Variants in AHCYL2 observed in about 807,000 individuals in gnomAD.
AHCYL2 encodes adenosylhomocysteinase like 2, also known as S-adenosylhomocysteine hydrolase-like protein 2.
AHCYL2 carries 28 observed loss-of-function variants against 81.4 expected under a neutral mutation model. That is an observed-to-expected ratio of 0.34 (90% confidence interval 0.25 to 0.47). The LOEUF is 0.47. Ranked by LOEUF, AHCYL2 falls within the 20% of genes least tolerant of loss-of-function variation. The pLI is 1.00. For synonymous variants in AHCYL2, 272 were observed against 290.2 expected, an observed-to-expected ratio of 0.94 and a Z score of 0.64; for missense variants, 551 against 785.1, an observed-to-expected ratio of 0.70 and a Z score of 3.56.
At chr7:129,378,010 A>T (rs1298985576) in intron 1 of AHCYL2, among the ~76,000 whole-genome samples, 1 of 152,166 alleles carries the variant, frequency 6.6e-6, no homozygotes, top group Non-Finnish European at 1.5e-5. Context: ...AATATTTAAA[A>T]ATAAATTAAT....
intron 1 of AHCYL2, among the ~76,000 whole-genome samples, chr7:129,263,197 C>T (rs1182957861): frequency 6.6e-6 from 1 of 152,178 alleles, no homozygotes; most frequent in East Asian, 1.9e-4. Flanking sequence ...ATTTTTTGCT[C>T]ATACTGCATG....
chr7:129,351,075 T>C (rs970488105), intron 1 of AHCYL2, among the ~76,000 whole-genome samples: 1 of 152,176 alleles, frequency 6.6e-6, no homozygotes, highest in Non-Finnish European at 1.5e-5. Context: ...TTTTATTTTA[T>C]TCTAGAATAT....
intron 1 of AHCYL2, among the ~76,000 whole-genome samples, chr7:129,298,114 G>A (rs1797116690): frequency 6.6e-6 from 1 of 152,214 alleles, no homozygotes; most frequent in South Asian, 2.1e-4. Context: ...AAGAAAGCCT[G>A]TGGTTTAATT....
intron 1 of AHCYL2, among the ~76,000 whole-genome samples, chr7:129,264,557 A>G (rs1055369577): frequency 6.6e-6 from 1 of 152,236 alleles, no homozygotes; most frequent in Non-Finnish European, 1.5e-5. Context: ...AAATTATAGT[A>G]GAGAAAATTA....
At chr7:129,272,563 AAC>A (rs1796057489) in intron 1 of AHCYL2, among the ~76,000 whole-genome samples, 1 of 152,176 alleles carries the variant, frequency 6.6e-6, no homozygotes, top group Non-Finnish European at 1.5e-5. Context: ...GAAGGCTTGA[AAC>A]ACAGAGAGAA....
At chr7:129,359,410 T>C (rs986812978) in intron 1 of AHCYL2, among the ~76,000 whole-genome samples, 45 of 152,342 alleles carry the variant, frequency 3.0e-4, no homozygotes, top group African/African-American at 1.1e-3. Context: ...TAGTTTCTTA[T>C]CTGTGTAGTG....
rs780894988 is a variant in AHCYL2 at position 129,368,485 on chromosome 7, A to C, written c.364-11153A>C. 6.2e-7 allele frequency: 1 copy of C among 1,614,002 alleles called. No individual in the cohort carries two copies. The highest frequency in any genetic ancestry group is 2.2e-5 in the East Asian group (1 of 44,880). Reference sequence around the variant, plus strand: ...TTTGCTTCAGGACATATCTTACCCAAGCCTGCACTATGGAGAAGTGGGACG... The same window carrying C: ...TTTGCTTCAGGACATATCTTACCCACGCCTGCACTATGGAGAAGTGGGACG... On this transcript the variant is annotated intron_variant, in intron 1 of 16. Transcript: ENST00000325006. This position sits in a 1 kb window ranked among gnomAD's most constrained non-coding sequence, Gnocchi z 4.4.
intron 1 of AHCYL2, among the ~76,000 whole-genome samples, chr7:129,359,774 T>G (rs550002239): frequency 6.6e-6 from 1 of 152,308 alleles, no homozygotes; most frequent in South Asian, 2.1e-4. Context: ...GAGCTCTAAT[T>G]AGCCGGGTCA....
chr7:129,313,774 A>T (rs535433656), intron 1 of AHCYL2, among the ~76,000 whole-genome samples: 5 of 152,368 alleles, frequency 3.3e-5, no homozygotes, highest in East Asian at 3.9e-4. Context: ...AAGATACCAT[A>T]GTTGATTGGT....
chr7:129,336,919 A>G (rs370019804), intron 1 of AHCYL2, among the ~76,000 whole-genome samples: 17 of 151,736 alleles, frequency 1.1e-4, no homozygotes, highest in East Asian at 7.8e-4. Flanking sequence ...GCTAATTTTT[A>G]ATTTTTTGTA....
chr7:129,346,360 A>G (rs139050846), intron 1 of AHCYL2, among the ~76,000 whole-genome samples: 6 of 152,306 alleles, frequency 3.9e-5, no homozygotes, highest in African/African-American at 1.4e-4. Flanking sequence ...CAAACCACAG[A>G]CGGAGAGAAA....
At chr7:129,416,669 G>T (rs1020209355) in intron 12 of AHCYL2, among the ~76,000 whole-genome samples, 5 of 151,928 alleles carry the variant, frequency 3.3e-5, no homozygotes, top group African/African-American at 1.2e-4. Context: ...GCGTGGTGGT[G>T]GGCGCCTGTA....
chr7:129,412,809 C>T (rs1042033651), intron 11 of AHCYL2, among the ~76,000 whole-genome samples: 11 of 152,046 alleles, frequency 7.2e-5, no homozygotes, highest in African/African-American at 2.7e-4. Flanking sequence ...ATTTGTACAT[C>T]TTCTCTGAAG....
At chr7:129,345,320 G>A (rs1344291086) in intron 1 of AHCYL2, among the ~76,000 whole-genome samples, 1 of 152,086 alleles carries the variant, frequency 6.6e-6, no homozygotes, top group Non-Finnish European at 1.5e-5. Flanking sequence ...GAAGTTGAGG[G>A]GACAAACATA....
At chr7:129,298,868 T>G (rs1196517845) in intron 1 of AHCYL2, among the ~76,000 whole-genome samples, 1 of 152,204 alleles carries the variant, frequency 6.6e-6, no homozygotes, top group Admixed American at 6.5e-5. Flanking sequence ...AATTATACAA[T>G]AAAATAAAAC....
intron 1 of AHCYL2, among the ~76,000 whole-genome samples, chr7:129,316,416 A>C (rs1157179105): frequency 6.6e-6 from 1 of 152,200 alleles, no homozygotes; most frequent in Non-Finnish European, 1.5e-5. Flanking sequence ...AGGGCAGGGC[A>C]AATTTATACC....
At chr7:129,317,892 GAACT>G (rs1309856178) in intron 1 of AHCYL2, among the ~76,000 whole-genome samples, 9 of 152,234 alleles carry the variant, frequency 5.9e-5, no homozygotes, top group African/African-American at 1.4e-4. Context: ...GAAACTCAAA[GAACT>G]AACTATTACT....
At chr7:129,395,827 A>G (rs1795704129) in intron 4 of AHCYL2, among the ~76,000 whole-genome samples, 1 of 152,154 alleles carries the variant, frequency 6.6e-6, no homozygotes, top group Non-Finnish European at 1.5e-5. Context: ...TGGAGCTTCA[A>G]AAAATTCCAC....
chr7:129,404,503 C>T (rs12706881), intron 7 of AHCYL2, among the ~76,000 whole-genome samples: 3,669 of 152,190 alleles, frequency 0.024, 74 homozygotes, highest in Admixed American at 0.057. Flanking sequence ...GGTGAAACCC[C>T]GTCTCTACTA....
Sources: allele counts gnomAD v4.1 joint callset (sites outside exome capture counted in the v4.1 genomes callset), GRCh38; gene constraint gnomAD v4.1.1; non-coding constraint Gnocchi (gnomAD v3.1); transcripts MANE v1.5; gene names NCBI Gene and HGNC (gene_info 2026-07-23, HGNC 2026-07-21).